DEUP1: variants seen among roughly 807,000 people sequenced by gnomAD.
The protein encoded by DEUP1 is coiled-coil domain containing 67.
In DEUP1, 82 loss-of-function variants were observed where a neutral mutation model predicts 87.4. That is an observed-to-expected ratio of 0.94 (90% CI 0.78 to 1.13). The LOEUF (loss-of-function observed/expected upper bound fraction) is 1.13, where lower values mean the gene tolerates loss of function less well. Ranked by LOEUF, DEUP1 falls within the 50% of genes most tolerant of loss-of-function variation. The pLI is 0.00. For synonymous variants in DEUP1, 214 were observed against 222.7 expected (o/e 0.96, Z 0.35); for missense variants, 663 against 681.5 (o/e 0.97, Z 0.30).
chr11:93,339,579 T>A (rs1366586256), intron 2 of DEUP1, among the ~76,000 whole-genome samples: 1 of 152,206 alleles, frequency 6.6e-6, no homozygotes, highest in African/African-American at 2.4e-5. Flanking sequence ...AGGTGGCATA[T>A]GAGGCATAAT....
At chr11:93,367,349 A>C (rs958790772) in intron 5 of DEUP1, among the ~76,000 whole-genome samples, 1 of 152,196 alleles carries the variant, frequency 6.6e-6, no homozygotes, top group Non-Finnish European at 1.5e-5. Context: ...ATTTTAACAA[A>C]ATAAAGCTTT....
chr11:93,376,019 G>A (rs946085098), intron 7 of DEUP1, among the ~76,000 whole-genome samples: 4 of 151,924 alleles, frequency 2.6e-5, no homozygotes, highest in Non-Finnish European at 5.9e-5. Context: ...GTGCAGTTTC[G>A]GCTCACTGCA....
At chr11:93,419,185 T>A (rs75169676) in intron 13 of DEUP1, among the ~76,000 whole-genome samples, 1,384 of 36,114 alleles carry the variant, frequency 0.038, 16 homozygotes, top group African/African-American at 0.14. Flanking sequence ...AGTATAATAA[T>A]AAAAAAAAAA....
At chr11:93,388,341 C>G (rs1229342295) in intron 8 of DEUP1, among the ~76,000 whole-genome samples, 1 of 152,114 alleles carries the variant, frequency 6.6e-6, no homozygotes, top group Non-Finnish European at 1.5e-5. Flanking sequence ...ATGCTGCTTC[C>G]CCTACCTGGT....
rs1555068658 is a variant in DEUP1, at chr11:93,437,751, C to CCCG, written c.*33_*34insCGC. The CCCG allele has an allele frequency of 1.9e-6, 2 of 1,045,282 alleles. No homozygotes were observed. Among genetic ancestry groups the CCCG allele is most frequent in the African/African-American group, 3.8e-5 (2 of 52,846 alleles). 64.8% of individuals were successfully genotyped at this position (1,045,282 alleles called of 1,614,324 possible). ...AAACTTTTTTATTTGCTTCCCCCCC[C>CCCG]CACCCCCGCCAAGAAAAAAAGCTCT... On this transcript the variant is annotated 3_prime_UTR_variant, in exon 14 of 14. Coordinates refer to ENST00000298050, the MANE Select transcript of DEUP1 (RefSeq NM_181645.4).
intron 11 of DEUP1, among the ~76,000 whole-genome samples, chr11:93,396,653 C>T (rs963265418): frequency 6.6e-6 from 1 of 152,178 alleles, no homozygotes; most frequent in Non-Finnish European, 1.5e-5. Context: ...CCAATCTTCC[C>T]CTCAACGAAG....
intron 3 of DEUP1, among the ~76,000 whole-genome samples, 163 bp from the exon 4 acceptor site, chr11:93,356,785 T>C (rs1944919846): frequency 6.6e-6 from 1 of 152,218 alleles, no homozygotes; most frequent in Admixed American, 6.5e-5. Flanking sequence ...GTTTGGTTTT[T>C]GTGAATTTAA....
At chr11:93,332,155 A>G (rs1943524332) in intron 1 of DEUP1, 61 bp from the exon 2 acceptor site, 1 of 1,145,678 alleles carries the variant, frequency 8.7e-7, no homozygotes, top group Non-Finnish European at 1.2e-6. Flanking sequence ...CAAAATTTTC[A>G]TGTTTTATAG....
intron 3 of DEUP1, among the ~76,000 whole-genome samples, chr11:93,356,565 C>T (rs1169674490): frequency 6.6e-6 from 1 of 151,720 alleles, no homozygotes; most frequent in African/African-American, 2.4e-5. Flanking sequence ...TTTCATAATA[C>T]CACTAAAACA....
chr11:93,332,883 C>G (rs1943560877), intron 2 of DEUP1, among the ~76,000 whole-genome samples: 1 of 152,160 alleles, frequency 6.6e-6, no homozygotes, highest in Non-Finnish European at 1.5e-5. Flanking sequence ...TTTCACTAGC[C>G]AACTGACCAC....
At chr11:93,368,565 G>C (rs1230707538) in intron 5 of DEUP1, among the ~76,000 whole-genome samples, 1 of 152,128 alleles carries the variant, frequency 6.6e-6, no homozygotes, top group Non-Finnish European at 1.5e-5. Context: ...AAAGGGGGAA[G>C]TGCTACACAC....
chr11:93,434,388 G>A (rs1478632919), intron 13 of DEUP1, among the ~76,000 whole-genome samples: 2 of 152,142 alleles, frequency 1.3e-5, no homozygotes, highest in Non-Finnish European at 2.9e-5. Context: ...TTAGGATATG[G>A]TTTCTGTATT....
intron 2 of DEUP1, among the ~76,000 whole-genome samples, chr11:93,334,345 C>A (rs1463314164): frequency 6.6e-6 from 1 of 152,170 alleles, no homozygotes; most frequent in Non-Finnish European, 1.5e-5. Flanking sequence ...TTAACAGATA[C>A]CTATTTAGAG....
chr11:93,372,517 AC>A (rs992247367), intron 7 of DEUP1, among the ~76,000 whole-genome samples: 10 of 152,022 alleles, frequency 6.6e-5, no homozygotes, highest in African/African-American at 1.7e-4. Context: ...TCATTCCCCC[AC>A]CGTGCCACAT....
intron 2 of DEUP1, among the ~76,000 whole-genome samples, chr11:93,335,192 G>A (rs1050589797): frequency 2.1e-5 from 3 of 144,330 alleles, no homozygotes; most frequent in Non-Finnish European, 4.7e-5. Context: ...TAATTTCAAG[G>A]GGCATTTAGT....
chr11:93,380,459 G>A (rs1201018729), intron 7 of DEUP1, among the ~76,000 whole-genome samples: 1 of 152,106 alleles, frequency 6.6e-6, no homozygotes, highest in Non-Finnish European at 1.5e-5. Context: ...GGAGTGCAGT[G>A]GTGCAATCTC....
chr11:93,377,162 T>A (rs962690775), intron 7 of DEUP1, among the ~76,000 whole-genome samples: 9 of 152,208 alleles, frequency 5.9e-5, no homozygotes, highest in African/African-American at 2.2e-4. Context: ...GTCCATTGTT[T>A]CTTGGTTGAC....
chr11:93,411,081 G>A (rs555825842), intron 12 of DEUP1: 4 of 152,026 alleles, frequency 2.6e-5, no homozygotes, highest in African/African-American at 9.7e-5. Context: ...GGAAAGAGTT[G>A]TTGAGATGCA....
At chr11:93,435,719 A>G (rs2019814) in intron 13 of DEUP1, among the ~76,000 whole-genome samples, 126,893 of 152,146 alleles carry the variant, frequency 0.83, 53,039 homozygotes, top group East Asian at 0.91. Flanking sequence ...TTTTTTCACC[A>G]GGCATGGTGG....
Sources: gnomAD v4.1 joint callset for allele counts (sites outside exome capture counted in the v4.1 genomes callset) on GRCh38, gnomAD v4.1.1 for gene constraint, MANE v1.5 for transcripts, NCBI Gene and HGNC (gene_info 2026-07-23, HGNC 2026-07-21) for gene names.